The following GPHN variants were observed in gnomAD, a reference collection of about 807,000 sequenced individuals.
GPHN encodes the protein gephyrin.
Under a neutral mutation model 95.5 loss-of-function variants are expected in GPHN, and 17 were observed. The ratio of observed to expected loss-of-function variants is 0.18; its 90% confidence interval spans 0.12 to 0.27. GPHN has a LOEUF of 0.27. Ranked by LOEUF, GPHN falls within the 10% of genes least tolerant of loss-of-function variation. The pLI is 1.00. For missense variants in GPHN, 660 were observed against 978.1 expected (o/e 0.67, Z 4.34); for synonymous variants, 320 against 322.5 (o/e 0.99, Z 0.08).
chr14:66,660,188 C>T (rs534089626), intron 1 of GPHN, among the ~76,000 whole-genome samples: 1 of 152,120 alleles, frequency 6.6e-6, no homozygotes, highest in East Asian at 1.9e-4. Flanking sequence ...ATTACCCTCT[C>T]AATACAATTG....
intron 5 of GPHN, among the ~76,000 whole-genome samples, chr14:66,895,621 G>C (rs1173623805): frequency 6.6e-6 from 1 of 152,126 alleles, no homozygotes; most frequent in Non-Finnish European, 1.5e-5. Context: ...CTTTCAATGT[G>C]CTGAAAGAAA....
chr14:66,869,143 A>G (rs373861185), intron 4 of GPHN, among the ~76,000 whole-genome samples: 35 of 152,318 alleles, frequency 2.3e-4, no homozygotes, highest in African/African-American at 7.0e-4. Flanking sequence ...AGGGAAACAG[A>G]ACTTTAAGCT....
intron 1 of GPHN, among the ~76,000 whole-genome samples, chr14:66,510,181 G>A (rs1594769263): frequency 3.3e-5 from 5 of 152,178 alleles, no homozygotes; most frequent in East Asian, 1.9e-4. Flanking sequence ...GCCAATTTTC[G>A]AATAATCTGA....
intron 10 of GPHN, among the ~76,000 whole-genome samples, chr14:67,029,892 C>A (rs146215899): frequency 6.6e-6 from 1 of 152,150 alleles, no homozygotes; most frequent in Non-Finnish European, 1.5e-5. Context: ...TAAATCACTC[C>A]CTCCTTAATG....
At chr14:67,555,898 G>A in the GPHN span, 1 of 1,613,060 alleles carries the variant, frequency 6.2e-7, no homozygotes, top group Non-Finnish European at 8.5e-7. Flanking sequence ...GTAACCAGGG[G>A]AGGGGATCGG....
the GPHN span, among the ~76,000 whole-genome samples, chr14:67,661,278 CAAAA>C: frequency 1.2e-4 from 7 of 56,546 alleles, no homozygotes; most frequent in Non-Finnish European, 1.7e-4. Context: ...AGGGCTAGAG[CAAAA>C]AAAAAAAAAA....
the GPHN span, among the ~76,000 whole-genome samples, chr14:67,477,741 A>G: frequency 3.3e-4 from 51 of 152,338 alleles, no homozygotes; most frequent in Non-Finnish European, 6.5e-4. Flanking sequence ...AGACTAGCCT[A>G]GACAATGCAG....
At chr14:66,522,227 T>A (rs1007058216) in intron 1 of GPHN, among the ~76,000 whole-genome samples, 1 of 152,154 alleles carries the variant, frequency 6.6e-6, no homozygotes, top group Non-Finnish European at 1.5e-5. Flanking sequence ...CACACATAAT[T>A]GAAATATTTT....
At chr14:66,680,139 T>G (rs1168132730) in intron 1 of GPHN, among the ~76,000 whole-genome samples, 1 of 152,246 alleles carries the variant, frequency 6.6e-6, no homozygotes, top group Non-Finnish European at 1.5e-5. Flanking sequence ...TGATTTTAAA[T>G]GTCCTAATGA....
At chr14:67,681,729 C>T in the GPHN span, among the ~76,000 whole-genome samples, 47 of 152,110 alleles carry the variant, frequency 3.1e-4, no homozygotes, top group African/African-American at 1.0e-3. Context: ...TTGCAGTGAG[C>T]AGCCTGGGTC....
At chr14:67,199,076 G>T in the GPHN span, 1 of 930,300 alleles carries the variant, frequency 1.1e-6, no homozygotes, top group East Asian at 2.4e-5. Context: ...CTACCAGGCC[G>T]ATCTCCGAGC....
intron 3 of GPHN, among the ~76,000 whole-genome samples, chr14:66,787,858 T>TTATATATATATATATATATATATATA (rs1555406304): frequency 1.3e-5 from 2 of 150,528 alleles, no homozygotes; most frequent in African/African-American, 2.4e-5. Context: ...ATAAAAAGTA[T>TTATATATATATATATATATATATATA]TATATATATA....
chr14:66,683,141 T>G (rs968868706), intron 2 of GPHN, among the ~76,000 whole-genome samples: 1 of 151,344 alleles, frequency 6.6e-6, no homozygotes, highest in Non-Finnish European at 1.5e-5. Context: ...CTTGGATTAG[T>G]CTAGTATGTA....
chr14:67,444,002 T>C, the GPHN span, among the ~76,000 whole-genome samples: 1 of 152,210 alleles, frequency 6.6e-6, no homozygotes, highest in Non-Finnish European at 1.5e-5. Flanking sequence ...TATATCTGAT[T>C]GCCTTCTTTG....
the GPHN span, chr14:67,572,173 G>A: frequency 1.4e-4 from 232 of 1,607,480 alleles, 1 homozygote; most frequent in Middle Eastern, 3.3e-4. Context: ...GGGTGACTAC[G>A]CCATCCCCCC....
chr14:67,405,960 T>C, the GPHN span, among the ~76,000 whole-genome samples: 8 of 152,150 alleles, frequency 5.3e-5, no homozygotes, highest in Non-Finnish European at 1.0e-4. Flanking sequence ...ACAAATCTTG[T>C]TGTTTTAAGA....
the GPHN span, among the ~76,000 whole-genome samples, chr14:67,442,890 A>G: frequency 0.45 from 67,683 of 152,076 alleles, 16,779 homozygotes; most frequent in African/African-American, 0.67. Flanking sequence ...TGTGTGAGGA[A>G]TGTCAGAAAT....
At chr14:66,826,658 C>T (rs1185350352) in intron 4 of GPHN, among the ~76,000 whole-genome samples, 1 of 152,126 alleles carries the variant, frequency 6.6e-6, no homozygotes, top group African/African-American at 2.4e-5. Flanking sequence ...TTTACTTATG[C>T]TTACCAGTTT....
intron 22 of GPHN, 97 bp from the exon 23 acceptor site, chr14:67,180,707 C>A: frequency 8.3e-7 from 1 of 1,201,336 alleles, no homozygotes; most frequent in South Asian, 1.3e-5. Context: ...CTTGAAGACC[C>A]GCATTTCTGT....
Sources: gnomAD v4.1 joint callset for allele counts (sites outside exome capture counted in the v4.1 genomes callset) on GRCh38, gnomAD v4.1.1 for gene constraint, MANE v1.5 for transcripts, NCBI Gene and HGNC (gene_info 2026-07-23, HGNC 2026-07-21) for gene names.